The following IPO9 variants were observed in gnomAD, a reference collection of about 807,000 sequenced individuals.
IPO9 encodes importin 9.
In IPO9, 28 loss-of-function variants were observed where a neutral mutation model predicts 128.6. The observed-to-expected ratio is 0.22, with a 90% CI of 0.16 to 0.30. IPO9 has a LOEUF of 0.30. Among genes scored for constraint, IPO9 ranks in the 10% least tolerant of loss-of-function variants. IPO9 has a pLI of 1.00. For synonymous variants in IPO9, 455 were observed against 475.8 expected (o/e 0.96, Z 0.57); for missense variants, 935 against 1,293.9 (o/e 0.72, Z 4.26).
In IPO9 at chr1:201,880,943, G is replaced by A. The variant is rs894817804; in HGVS notation, c.*4889G>A. On this transcript the variant is annotated 3_prime_UTR_variant, in exon 24 of 24. Coordinates refer to ENST00000361565, the MANE Select transcript of IPO9 (RefSeq NM_018085.5). ...CTGTAAGCTAATGTAAGTGATCTGA[G>A]TAGGTTTAAGGTAGCCTAGGTGTAT... is the stretch of plus-strand genomic sequence containing the variant. The A allele has an allele frequency of 6.6e-6, 1 of 152,232 alleles. No homozygotes were observed. The highest frequency in any genetic ancestry group is 6.5e-5 in the Admixed American group (1 of 15,286). The allele number at this position is 152,232 out of a possible 1,614,324, so 9.4% of individuals were successfully genotyped here. A position where few individuals can be genotyped will look rare whatever the true frequency, so the allele number is the denominator to read the frequency against.
At position 201,881,793 on chromosome 1, in the gene IPO9, G is replaced by A. The variant is rs1161549469; in HGVS notation, c.*5739G>A. 1.3e-5 allele frequency: 2 copies of A among 152,316 alleles called. No individual in the cohort carries two copies. The highest frequency in any genetic ancestry group is 4.8e-5 in the African/African-American group (2 of 41,452). 9.4% of individuals were successfully genotyped at this position (152,316 alleles called of 1,614,324 possible). Reference sequence around the variant, plus strand: ...AGATGGGAGAAAGGAATGCAGTCTGGCAGCAGCTACAGCAGTCCAGGTGGG... The same window carrying A: ...AGATGGGAGAAAGGAATGCAGTCTGACAGCAGCTACAGCAGTCCAGGTGGG... On this transcript the variant is annotated 3_prime_UTR_variant, in exon 24 of 24. Transcript: ENST00000361565.
intron 1 of IPO9, among the ~76,000 whole-genome samples, chr1:201,843,827 C>CAAAAAAAA (rs35870198): frequency 1.0e-5 from 1 of 95,984 alleles, no homozygotes; most frequent in African/African-American, 4.0e-5. Flanking sequence ...GATTCTGTCT[C>CAAAAAAAA]AAAAAAAAAA....
intron 1 of IPO9, among the ~76,000 whole-genome samples, chr1:201,838,932 T>A (rs1679987555): frequency 6.6e-6 from 1 of 151,942 alleles, no homozygotes; most frequent in South Asian, 2.1e-4. Context: ...TTTTTTTTTT[T>A]TTTTTGAGAT....
rs1008484051 is a variant in IPO9, at chr1:201,879,159, A to G, written c.*3105A>G. On this transcript the variant is annotated 3_prime_UTR_variant, in exon 24 of 24. Coordinates refer to ENST00000361565, the MANE Select transcript of IPO9 (RefSeq NM_018085.5). ...CACAAGTTACAGACGTATATGTGAC[A>G]TTGATTTGGGAGAATGAACCTACAA... 6.6e-6 allele frequency: 1 copy of G among 152,246 alleles called. No individual in the cohort carries two copies. Among genetic ancestry groups the G allele is most frequent in the Non-Finnish European group, 1.5e-5 (1 of 68,048 alleles). 9.4% of individuals were successfully genotyped at this position (152,246 alleles called of 1,614,324 possible).
chr1:201,866,930 C>T lies in IPO9; in HGVS notation c.1826C>T (p.Thr609Ile). Residue 609 changes from threonine to isoleucine, a missense_variant, in exon 15 of 24, where the codon ACC becomes ATC. Physicochemically the swap from Thr to Ile is moderately conservative, Grantham distance 89. Around this residue, in one of 3 missense-constraint regions of IPO9, gnomAD observed 741 missense variants for 1,019.1 expected, o/e 0.73. Transcript: ENST00000361565. ...ATGGAAAGCAAAATCTGCCCCTTCACCATCGCCATTTTCCTAAAGTACAGT... is the reference window on the plus strand; with the variant it reads ...ATGGAAAGCAAAATCTGCCCCTTCATCATCGCCATTTTCCTAAAGTACAGT... ...ASMESKICPFTIAIFLKYSND... is the reference protein window; with the variant it reads ...ASMESKICPFIIAIFLKYSND... 6.2e-7 allele frequency: 1 copy of T among 1,614,138 alleles called. No homozygotes were observed. The highest frequency in any genetic ancestry group is 8.5e-7 in the Non-Finnish European group (1 of 1,179,996).
At position 201,829,231 on chromosome 1, in the gene IPO9, G is replaced by C. The variant is rs774737656; in HGVS notation, c.22G>C (p.Gly8Arg). Residue 8 changes from glycine to arginine, a missense_variant, in exon 1 of 24, where the codon GGT becomes CGT. By Grantham distance (125) the Gly-to-Arg change is moderately radical (BLOSUM62 -2). Transcript: ENST00000361565. MAAAAAA[G>R]AASGLPGPVA... ...AAAGATGGCGGCGGCGGCGGCAGCT[G>C]GTGCGGCCTCCGGGCTGCCGGGTCC... 2.9e-5 allele frequency: 45 copies of C among 1,568,324 alleles called. No homozygotes were observed. The highest frequency in any genetic ancestry group is 3.5e-5 in the Non-Finnish European group (41 of 1,161,834).
At chr1:201,854,762 T>C (rs1680297531) in intron 7 of IPO9, 48 bp downstream of exon 7, 1 of 1,608,468 alleles carries the variant, frequency 6.2e-7, no homozygotes, top group Non-Finnish European at 8.5e-7. Flanking sequence ...GGGGCTGGTC[T>C]GAAATCATTT....
chr1:201,852,124 G>A lies in IPO9; in HGVS notation c.535G>A (p.Asp179Asn). The A allele has an allele frequency of 6.2e-7, 1 of 1,611,690 alleles. No homozygotes were observed. The highest frequency in any genetic ancestry group is 8.5e-7 in the Non-Finnish European group (1 of 1,178,016). ...VLTEFTREVT[D>N]TQMPLVAPVI... ...TGTAGAATTCACTCGTGAAGTAACA[G>A]ACACACAGATGCCACTTGTTGCTCC... The change falls in exon 5 of 24, where the codon GAC becomes AAC. Residue 179 changes from aspartate to asparagine, a missense_variant. This residue lies in a region of IPO9 where 741 missense variants were observed against 1,019.1 expected (regional missense o/e 0.73). Transcript: ENST00000361565.
intron 1 of IPO9, among the ~76,000 whole-genome samples, chr1:201,830,040 C>G (rs1462719190): frequency 6.6e-6 from 1 of 152,124 alleles, no homozygotes; most frequent in Non-Finnish European, 1.5e-5. Flanking sequence ...GTTTTTGATT[C>G]TTTGTCTCCG....
chr1:201,829,238 C>G lies in IPO9; in HGVS notation c.29C>G (p.Ala10Gly). 1.3e-6 allele frequency: 2 copies of G among 1,572,204 alleles called. No homozygotes were observed. The highest frequency in any genetic ancestry group is 1.7e-6 in the Non-Finnish European group (2 of 1,163,390). MAAAAAAGA[A>G]SGLPGPVAQG... ...GCGGCGGCGGCGGCAGCTGGTGCGG[C>G]CTCCGGGCTGCCGGGTCCAGTGGCA... Residue 10 changes from alanine to glycine, a missense_variant, in exon 1 of 24, where the codon GCC becomes GGC. By Grantham distance (60) the Ala-to-Gly change is moderately conservative. Coordinates refer to ENST00000361565, the MANE Select transcript of IPO9 (RefSeq NM_018085.5).
At chr1:201,837,221 G>A (rs1252595917) in intron 1 of IPO9, among the ~76,000 whole-genome samples, 2 of 152,168 alleles carry the variant, frequency 1.3e-5, no homozygotes, top group East Asian at 1.9e-4. Context: ...TACCAGACAT[G>A]ATTAACTTAT....
At chr1:201,851,066 G>A (rs1680206242) in intron 4 of IPO9, among the ~76,000 whole-genome samples, 1 of 151,964 alleles carries the variant, frequency 6.6e-6, no homozygotes, top group Non-Finnish European at 1.5e-5. Context: ...CCCAGGCTCA[G>A]GTACAGTGGC....
At chr1:201,858,582 T>C in intron 12 of IPO9, 29 bp downstream of exon 12, 1 of 1,284,634 alleles carries the variant, frequency 7.8e-7, no homozygotes, top group Non-Finnish European at 1.1e-6. Context: ...TTGGTTAAGA[T>C]GCTTTTGTTT....
intron 1 of IPO9, among the ~76,000 whole-genome samples, chr1:201,838,921 CTTTT>C (rs386354520): frequency 7.0e-6 from 1 of 142,616 alleles, no homozygotes. Context: ...TTAGAGGAAA[CTTTT>C]TTTTTTTTTT....
rs1321600061 is a variant in IPO9 at position 201,883,802 on chromosome 1, A to G, written c.*7748A>G. 2 of 152,284 alleles carry G rather than the reference A, an allele frequency of 1.3e-5. No individual in the cohort carries two copies. The highest frequency in any genetic ancestry group is 1.3e-4 in the Admixed American group (2 of 15,290). The allele number at this position is 152,284 out of a possible 1,614,324, so 9.4% of individuals were successfully genotyped here. Reference sequence around the variant, plus strand: ...CACCTGATTTTGTGATTGCAAATTCATAACTAATATCCCTCGTCAGCTCCG... The same window carrying G: ...CACCTGATTTTGTGATTGCAAATTCGTAACTAATATCCCTCGTCAGCTCCG... On this transcript the variant is annotated 3_prime_UTR_variant, in exon 24 of 24. Transcript: ENST00000361565.
intron 10 of IPO9, 43 bp from the exon 11 acceptor site, chr1:201,857,053 A>C (rs1680342533): frequency 1.7e-6 from 2 of 1,166,066 alleles, no homozygotes; most frequent in Admixed American, 1.7e-5. Context: ...AAAGCTATGA[A>C]TCAGATTGGC....
rs1008956208 is a variant in IPO9 at position 201,876,389 on chromosome 1, T to C, written c.*335T>C. ...CCCAGAAGGATTATGTGTTTATGGA[T>C]TATTTTGCCCCGCCTCAGGAGCGCA... On this transcript the variant is annotated 3_prime_UTR_variant, in exon 24 of 24. Transcript: ENST00000361565. The C allele has an allele frequency of 1.2e-5, 5 of 419,568 alleles. No individual in the cohort carries two copies. The highest frequency in any genetic ancestry group is 2.3e-5 in the Non-Finnish European group (5 of 221,954). 26.0% of individuals were successfully genotyped at this position (419,568 alleles called of 1,614,324 possible).
At chr1:201,861,569 TAC>T (rs2102883033) in intron 13 of IPO9, among the ~76,000 whole-genome samples, 1 of 152,336 alleles carries the variant, frequency 6.6e-6, no homozygotes, top group African/African-American at 2.4e-5. Flanking sequence ...ATTTTTAACT[TAC>T]AGTATTTTCA....
chr1:201,869,142 T>C (rs1009094833), intron 16 of IPO9, among the ~76,000 whole-genome samples: 2 of 152,150 alleles, frequency 1.3e-5, no homozygotes, highest in African/African-American at 4.8e-5. Flanking sequence ...TACCAGCTAC[T>C]CAAGAGGCTG....
Sources: gnomAD v4.1 joint callset for allele counts (sites outside exome capture counted in the v4.1 genomes callset) on GRCh38, gnomAD v4.1.1 for gene constraint, gnomAD v4.1.1 regional missense constraint, MANE v1.5 for transcripts, NCBI Gene and HGNC (gene_info 2026-07-23, HGNC 2026-07-21) for gene names.